ANOS1: variants seen among roughly 807,000 people sequenced by gnomAD.
ANOS1 encodes anosmin 1.
ANOS1 carries 6 observed loss-of-function variants against 59.0 expected under a neutral mutation model. That is an observed-to-expected ratio of 0.10 (90% confidence interval 0.06 to 0.20). ANOS1 has a LOEUF of 0.20. Ranked by LOEUF, ANOS1 falls within the 10% of genes least tolerant of loss-of-function variation. The pLI, the probability that ANOS1 is intolerant of heterozygous loss-of-function variation, is 1.00. For missense variants in ANOS1, 433 were observed against 542.3 expected, an observed-to-expected ratio of 0.80 and a Z score of 2.00; for synonymous variants, 217 against 223.4, an observed-to-expected ratio of 0.97 and a Z score of 0.25.
chrX:8,529,866 T>C lies in ANOS1; in HGVS notation c.*3129A>G. ...GGTGAGGAGAAAGTGTGGATGCTAC[T>C]AAAAACCTACAGTGCACAAGACAAA... On this transcript the variant is annotated 3_prime_UTR_variant, in exon 14 of 14. Coordinates refer to ENST00000262648, the MANE Select transcript of ANOS1 (RefSeq NM_000216.4). The C allele has an allele frequency of 9.0e-6, 1 of 111,292 alleles. No homozygotes were observed. Among genetic ancestry groups the C allele is most frequent in the East Asian group, 2.8e-4 (1 of 3,535 alleles). The allele number at this position is 111,292 out of a possible 1,213,427, so 9.2% of individuals were successfully genotyped here.
chrX:8,594,689 T>TACACACAC (rs1355000456), intron 4 of ANOS1, among the ~76,000 whole-genome samples: 1 of 54,618 alleles, frequency 1.8e-5, no homozygotes, highest in African/African-American at 8.0e-5. Context: ...TATATATATA[T>TACACACAC]ATATATATAC....
intron 1 of ANOS1, among the ~76,000 whole-genome samples, chrX:8,713,101 A>G (rs1932821393): frequency 9.0e-6 from 1 of 111,031 alleles, no homozygotes; most frequent in African/African-American, 3.3e-5. Context: ...GCAGCCAGAC[A>G]GTGACTCCAG....
chrX:8,664,023 G>T (rs963522199), intron 2 of ANOS1, among the ~76,000 whole-genome samples: 2 of 110,646 alleles, frequency 1.8e-5, no homozygotes, highest in Non-Finnish European at 3.8e-5. Flanking sequence ...CACAGGGAGG[G>T]GAACACACAC....
chrX:8,669,886 G>A (rs987414213), intron 2 of ANOS1, among the ~76,000 whole-genome samples: 4 of 111,445 alleles, frequency 3.6e-5, no homozygotes, highest in African/African-American at 9.8e-5. Flanking sequence ...ACACAGAACC[G>A]ATTGCTTTAA....
At chrX:8,625,340 T>G (rs370334741) in intron 2 of ANOS1, among the ~76,000 whole-genome samples, 1 of 112,055 alleles carries the variant, frequency 8.9e-6, no homozygotes, top group Non-Finnish European at 1.9e-5. Context: ...CTAGCTCTCA[T>G]ACATTCATGG....
intron 7 of ANOS1, among the ~76,000 whole-genome samples, chrX:8,569,257 C>T (rs752570524): frequency 1.8e-5 from 2 of 112,482 alleles, no homozygotes; most frequent in Admixed American, 9.4e-5. Context: ...CCAATTTCAG[C>T]TCTTCCAGCT....
intron 3 of ANOS1, among the ~76,000 whole-genome samples, chrX:8,600,015 A>G (rs898253945): frequency 8.9e-6 from 1 of 112,256 alleles, no homozygotes; most frequent in South Asian, 3.7e-4. Flanking sequence ...GACTCAAAAC[A>G]TAACTTCAGC....
At chrX:8,613,191 A>AT (rs1180612345) in intron 3 of ANOS1, among the ~76,000 whole-genome samples, 1 of 101,650 alleles carries the variant, frequency 9.8e-6, no homozygotes, top group African/African-American at 3.7e-5. Context: ...TCATCTGCTG[A>AT]TTTTTTCTTT....
chrX:8,666,944 C>T (rs988745424), intron 2 of ANOS1, among the ~76,000 whole-genome samples: 2 of 111,905 alleles, frequency 1.8e-5, no homozygotes, highest in African/African-American at 3.3e-5. Context: ...ACAAATACAC[C>T]AAGTATCAGC....
At chrX:8,616,203 C>T (rs962009481) in intron 3 of ANOS1, among the ~76,000 whole-genome samples, 7 of 111,063 alleles carry the variant, frequency 6.3e-5, no homozygotes, top group Non-Finnish European at 1.1e-4. Flanking sequence ...TCGCAGAATC[C>T]GATTAATAAA....
At chrX:8,595,887 A>C (rs1930727228) in intron 4 of ANOS1, among the ~76,000 whole-genome samples, 1 of 111,185 alleles carries the variant, frequency 9.0e-6, no homozygotes, top group African/African-American at 3.3e-5. Flanking sequence ...GCCACTCCTC[A>C]TCACTCACAT....
At chrX:8,666,641 C>G (rs985608467) in intron 2 of ANOS1, among the ~76,000 whole-genome samples, 1 of 112,116 alleles carries the variant, frequency 8.9e-6, no homozygotes, top group African/African-American at 3.2e-5. Flanking sequence ...GAAATGGTAT[C>G]TCAGACACAG....
intron 2 of ANOS1, among the ~76,000 whole-genome samples, chrX:8,659,285 C>T (rs752899846): frequency 2.1e-4 from 22 of 103,525 alleles, no homozygotes; most frequent in South Asian, 4.3e-4. Flanking sequence ...GTGATGTGTG[C>T]CTGTAGTCTC....
chrX:8,711,652 C>T (rs754373022), intron 1 of ANOS1, among the ~76,000 whole-genome samples: 65 of 112,574 alleles, frequency 5.8e-4, no homozygotes, highest in Non-Finnish European at 9.9e-4. Context: ...CTTTCAATAA[C>T]GTAGAAGGTC....
rs768423165 is a variant in ANOS1, at chrX:8,549,912, C to T, written c.1354+4040G>A. On this transcript the variant is annotated intron_variant, in intron 9 of 13. Transcript: ENST00000262648. ...AGAGTAGGGGATTGTATTAATCTGA[C>T]CAGGGATGTCTTCAAAAACCTTACA... is the stretch of plus-strand genomic sequence containing the variant. Among the ~76,000 whole-genome samples, 4 of 111,955 alleles carry T rather than the reference C, an allele frequency of 3.6e-5. No homozygotes were observed. The South Asian group carries it at 1.1e-3, about 31-fold the overall frequency.
chrX:8,550,410 G>A (rs1009642322), intron 9 of ANOS1, among the ~76,000 whole-genome samples: 2 of 111,518 alleles, frequency 1.8e-5, no homozygotes, highest in East Asian at 2.8e-4. Context: ...TTTAAGATGC[G>A]AATTCTTCAA....
chrX:8,620,220 G>A lies in ANOS1; in HGVS notation c.318+3388C>T, dbSNP rs771276012. ...TCAATTCTGTTGTTGTAGCACAAAA[G>A]CAGCCATGGACAATATGTAAACAAA... On this transcript the variant is annotated intron_variant, in intron 3 of 13. Transcript: ENST00000262648. 1.1e-3 allele frequency among the ~76,000 whole-genome samples: 123 copies of A among 112,501 alleles called. 1 individual carries two copies. Among genetic ancestry groups the A allele is most frequent in the African/African-American group, 3.9e-3 (121 of 31,002 alleles).
chrX:8,530,463 T>C lies in ANOS1; in HGVS notation c.*2532A>G, dbSNP rs1320111137. The C allele has an allele frequency of 1.8e-5, 2 of 111,683 alleles. No individual in the cohort carries two copies. The highest frequency in any genetic ancestry group is 3.8e-5 in the Non-Finnish European group (2 of 53,081). 9.2% of individuals were successfully genotyped at this position (111,683 alleles called of 1,213,427 possible). On this transcript the variant is annotated 3_prime_UTR_variant, in exon 14 of 14. Transcript: ENST00000262648. ...AAATTATAACTATATTTTTGATCAT[T>C]TGAATAATACTGGAGCTTATTAAAA...
In ANOS1 at chrX:8,536,928, A is replaced by C. The variant is rs1410479210; in HGVS notation, c.1464T>G (p.Ile488Met). The C allele has an allele frequency of 2.5e-6, 3 of 1,205,156 alleles. No individual in the cohort carries two copies. The East Asian group carries it at 8.9e-5, about 36-fold the overall frequency. ...SSGMTHENYI[I>M]LQDLSFSCKY... ...TGCAGGAAAATGACAGATCTTGAAGAATTATGTAATTTTCCTAGAGCAAGA... is the reference window on the plus strand; with the variant it reads ...TGCAGGAAAATGACAGATCTTGAAGCATTATGTAATTTTCCTAGAGCAAGA... The change falls in exon 11 of 14, where the codon ATT becomes ATG. Residue 488 changes from isoleucine to methionine, a missense_variant. Ile to Met is a conservative substitution (Grantham distance 10). Transcript: ENST00000262648.
Sources: allele counts gnomAD v4.1 joint callset (sites outside exome capture counted in the v4.1 genomes callset), GRCh38; gene constraint gnomAD v4.1.1; transcripts MANE v1.5; gene names NCBI Gene and HGNC (gene_info 2026-07-23, HGNC 2026-07-21).